Variants in LAMA2 observed in about 807,000 individuals in gnomAD.
The protein encoded by LAMA2 is laminin subunit alpha 2, also known as laminin subunit alpha-2.
In LAMA2, 269 loss-of-function variants were observed where a neutral mutation model predicts 364.8. That is an observed-to-expected ratio of 0.74 (90% CI 0.67 to 0.82). LAMA2 has a LOEUF of 0.82. LAMA2 is among the 40% of genes least tolerant of loss of function. The pLI is 0.00. For missense variants in LAMA2, 3,807 were observed against 3,873.2 expected (o/e 0.98, Z 0.45); for synonymous variants, 1,379 against 1,370.6 (o/e 1.01, Z -0.14).
chr6:129,114,597 TA>T (rs969514175), intron 4 of LAMA2, among the ~76,000 whole-genome samples: 34 of 152,104 alleles, frequency 2.2e-4, no homozygotes, highest in African/African-American at 7.7e-4. Flanking sequence ...TTGCTTTTTT[TA>T]AAAAAACTCT....
At chr6:128,963,853 C>T (rs139262244) in intron 1 of LAMA2, among the ~76,000 whole-genome samples, 99 of 152,186 alleles carry the variant, frequency 6.5e-4, no homozygotes, top group African/African-American at 2.3e-3. Flanking sequence ...AATTAATCAT[C>T]TGAATAGTCT....
At chr6:129,314,865 G>A in intron 24 of LAMA2, 67 bp downstream of exon 24, 2 of 1,547,224 alleles carry the variant, frequency 1.3e-6, no homozygotes, top group Non-Finnish European at 1.8e-6. Context: ...TTTTAGTCAG[G>A]CACTGAGGGG....
At chr6:129,160,432 G>A (rs1015519240) in intron 8 of LAMA2, among the ~76,000 whole-genome samples, 1 of 151,956 alleles carries the variant, frequency 6.6e-6, no homozygotes, top group African/African-American at 2.4e-5. Flanking sequence ...CATCTATATA[G>A]ATATCCCCTG....
intron 9 of LAMA2, among the ~76,000 whole-genome samples, chr6:129,168,485 C>T (rs572681164): frequency 2.0e-5 from 3 of 152,128 alleles, no homozygotes; most frequent in Admixed American, 6.5e-5. Context: ...ACATATGCGG[C>T]GTTATTTCTG....
In LAMA2 at chr6:129,397,009, AAG is replaced by A. The variant is rs1448160624; in HGVS notation, c.5445+3756_5445+3757del. ...TGTCTCAAAAAAAAAAAAAAAGAAA[AAG>A]AAAATAAAAGAAAACAATAATAGAC... On this transcript the variant is annotated intron_variant, in intron 37 of 64. Transcript: ENST00000421865. Among the ~76,000 whole-genome samples, 5 of 151,158 alleles carry A rather than the reference AAG, an allele frequency of 3.3e-5. No homozygotes were observed. In the East Asian group the frequency reaches 9.7e-4, roughly 29 times the overall value.
At chr6:129,481,231 T>G in intron 54 of LAMA2, 32 bp from the exon 55 acceptor site, 1 of 1,582,640 alleles carries the variant, frequency 6.3e-7, no homozygotes, top group East Asian at 2.2e-5. Flanking sequence ...TCATTTCTAA[T>G]GGTTTCTACT....
chr6:128,994,692 G>A (rs1443873297), intron 1 of LAMA2, among the ~76,000 whole-genome samples: 2 of 152,034 alleles, frequency 1.3e-5, no homozygotes, highest in Non-Finnish European at 2.9e-5. Context: ...TATACTCCTG[G>A]ATTTGGTTTT....
chr6:129,152,163 T>C (rs1179021622), intron 7 of LAMA2, among the ~76,000 whole-genome samples: 1 of 152,180 alleles, frequency 6.6e-6, no homozygotes, highest in East Asian at 1.9e-4. Context: ...AAATGACATA[T>C]AACTTTGTAA....
In LAMA2 at chr6:129,313,068, A is replaced by G. The variant is rs529055249; in HGVS notation, c.3382A>G (p.Ser1128Gly). 1.3e-4 allele frequency: 207 copies of G among 1,612,012 alleles called. 2 individuals are homozygous for G. In the South Asian group the frequency reaches 2.2e-3, roughly 17 times the overall value. The change falls in exon 23 of 65, where the codon AGT (serine) becomes GGT (glycine). Residue 1128 changes from serine to glycine, a missense_variant. Around this residue, in one of 3 missense-constraint regions of LAMA2, gnomAD observed 3,333 missense variants for 3,345.7 expected, o/e 1.00. Coordinates refer to ENST00000421865, the MANE Select transcript of LAMA2 (RefSeq NM_000426.4). Reference protein sequence around the residue: ...CDSETKKCSCSDQTGQCTCKV... With the variant: ...CDSETKKCSCGDQTGQCTCKV... Reference sequence around the variant, plus strand: ...TTCAGAGACTAAAAAATGCTCCTGTAGTGATCAAACTGGGCAGTGCACTTG... The same window carrying G: ...TTCAGAGACTAAAAAATGCTCCTGTGGTGATCAAACTGGGCAGTGCACTTG...
In LAMA2 at chr6:129,275,123, G is replaced by A. The variant is rs564718371; in HGVS notation, c.2450+4372G>A. The stretch of plus-strand genomic sequence containing the variant: ...AGTTGACCTTTGGGCTCACTCAAGA[G>A]ATCATATTGAATGCACGTTGTTAAA... On this transcript the variant is annotated intron_variant, in intron 17 of 64. Coordinates refer to ENST00000421865, the MANE Select transcript of LAMA2 (RefSeq NM_000426.4). Among the ~76,000 whole-genome samples the A allele has an allele frequency of 3.9e-5, 6 of 152,112 alleles. No individual in the cohort carries two copies. In the South Asian group the frequency reaches 1.0e-3, roughly 26 times the overall value.
chr6:129,033,455 G>T (rs1202796128), intron 1 of LAMA2, among the ~76,000 whole-genome samples: 2 of 152,122 alleles, frequency 1.3e-5, no homozygotes, highest in African/African-American at 4.8e-5. Context: ...TGATATTTTT[G>T]TTTGAGGAAC....
At chr6:129,221,659 T>A (rs1271921453) in intron 12 of LAMA2, among the ~76,000 whole-genome samples, 1 of 151,034 alleles carries the variant, frequency 6.6e-6, no homozygotes, top group East Asian at 1.9e-4. Flanking sequence ...ATAGTGCTAA[T>A]ATAAATTGGT....
intron 1 of LAMA2, among the ~76,000 whole-genome samples, chr6:129,034,025 AT>A (rs1245364903): frequency 6.6e-6 from 1 of 152,118 alleles, no homozygotes; most frequent in African/African-American, 2.4e-5. Flanking sequence ...TGAGATTTCA[AT>A]GCAAATTGTA....
intron 58 of LAMA2, among the ~76,000 whole-genome samples, chr6:129,493,657 GC>G (rs1199490214): frequency 1.3e-5 from 2 of 152,104 alleles, no homozygotes; most frequent in Non-Finnish European, 2.9e-5. Flanking sequence ...ACTTTCACCA[GC>G]CCAGGGCTAA....
intron 40 of LAMA2, 45 bp downstream of exon 40, chr6:129,404,004 T>C (rs765160847): frequency 2.5e-6 from 4 of 1,609,300 alleles, no homozygotes; most frequent in Non-Finnish European, 3.4e-6. Context: ...AGTCAACCTT[T>C]TTGAATTTTT....
intron 1 of LAMA2, among the ~76,000 whole-genome samples, chr6:129,008,073 A>G (rs568274347): frequency 6.6e-6 from 1 of 152,198 alleles, no homozygotes; most frequent in Non-Finnish European, 1.5e-5. Context: ...GTCAATGTAC[A>G]CCACACAGGG....
At chr6:129,147,470 G>T (rs1335422553) in intron 6 of LAMA2, among the ~76,000 whole-genome samples, 1 of 151,802 alleles carries the variant, frequency 6.6e-6, no homozygotes, top group East Asian at 1.9e-4. Flanking sequence ...AATGGAACAG[G>T]AGGATAAAAT....
chr6:128,910,584 G>A (rs1443721657), intron 1 of LAMA2, among the ~76,000 whole-genome samples: 1 of 152,028 alleles, frequency 6.6e-6, no homozygotes, highest in Non-Finnish European at 1.5e-5. Flanking sequence ...TGGTTTGAAT[G>A]TCCTCCCGTA....
chr6:129,410,899 C>T (rs1055998836), intron 40 of LAMA2, among the ~76,000 whole-genome samples: 22 of 152,136 alleles, frequency 1.4e-4, no homozygotes, highest in African/African-American at 1.9e-4. Flanking sequence ...CAGAGAATCA[C>T]GGGAGCTGAT....
Sources: gnomAD v4.1 joint callset for allele counts (sites outside exome capture counted in the v4.1 genomes callset) on GRCh38, gnomAD v4.1.1 for gene constraint, gnomAD v4.1.1 regional missense constraint, MANE v1.5 for transcripts, NCBI Gene and HGNC (gene_info 2026-07-23, HGNC 2026-07-21) for gene names.